The following CLU variants were observed in gnomAD, a reference collection of about 807,000 sequenced individuals.
The protein encoded by CLU is clusterin.
CLU carries 25 observed loss-of-function variants against 46.4 expected under a neutral mutation model. That is an observed-to-expected ratio of 0.54 (90% CI 0.39 to 0.75). The LOEUF (loss-of-function observed/expected upper bound fraction) is 0.75, where lower values mean the gene tolerates loss of function less well. CLU is among the 30% of genes least tolerant of loss of function. The pLI, the probability that CLU is intolerant of heterozygous loss-of-function variation, is 0.00. For synonymous variants in CLU, 235 were observed against 235.1 expected (o/e 1.00, Z 0.00); for missense variants, 504 against 592.1 (o/e 0.85, Z 1.54).
At position 27,610,340 on chromosome 8, in the gene CLU, C is replaced by T. The variant is rs1202913982; in HGVS notation, c.97+135G>A. 5.2e-6 allele frequency: 4 copies of T among 774,390 alleles called. No individual in the cohort carries two copies. The African/African-American group carries it at 6.8e-5, about 13-fold the overall frequency. 48.0% of individuals were successfully genotyped at this position (774,390 alleles called of 1,614,324 possible). On this transcript the variant is annotated intron_variant, in intron 2 of 8. Coordinates refer to ENST00000316403, the MANE Select transcript of CLU (RefSeq NM_001831.4). ...CTCAGAGTGGGCCCAGACACAGGCA[C>T]CCAGACCCAGTGCACAAGATAAAAA...
In CLU at chr8:27,599,841, CAGTT is replaced by C. The variant is rs1800685848; in HGVS notation, c.1099_1102del (p.Asn367GlyfsTer40). 2 of 1,614,038 alleles carry C rather than the reference CAGTT, an allele frequency of 1.2e-6. No homozygotes were observed. The highest frequency in any genetic ancestry group is 1.7e-5 in the Admixed American group (1 of 60,000). ...CGTGAGGTTTGCCAGCCGGGACACC[CAGTT>C]AAACTGCTCGTTCAGCTGCTCCAGC... is the stretch of plus-strand genomic sequence containing the variant. On this transcript the variant is annotated frameshift_variant, in exon 7 of 9. Coordinates refer to ENST00000316403, the MANE Select transcript of CLU (RefSeq NM_001831.4). LOFTEE classifies it high-confidence loss of function. This position sits in a 1 kb window ranked among gnomAD's most constrained non-coding sequence, Gnocchi z 4.0.
chr8:27,604,212 G>T, intron 6 of CLU, 79 bp downstream of exon 6: 2 of 1,100,378 alleles, frequency 1.8e-6, no homozygotes, highest in South Asian at 1.2e-5. Flanking sequence ...ACTCCATAAA[G>T]GCAGCACCAG....
intron 1 of CLU, among the ~76,000 whole-genome samples, chr8:27,612,192 G>T (rs940291004): frequency 6.6e-6 from 1 of 152,138 alleles, no homozygotes; most frequent in Non-Finnish European, 1.5e-5. Flanking sequence ...TAGCGGTGAG[G>T]CTGAAGCCCA....
intron 6 of CLU, among the ~76,000 whole-genome samples, chr8:27,602,718 G>A (rs1003821575): frequency 6.6e-6 from 1 of 152,070 alleles, no homozygotes; most frequent in Admixed American, 6.5e-5. Context: ...GTCCTCTTCA[G>A]TGTAGACTAT....
chr8:27,604,789 C>T, intron 5 of CLU, 135 bp downstream of exon 5: 1 of 1,108,554 alleles, frequency 9.0e-7, no homozygotes. Context: ...CAGTTTTTTT[C>T]CTCTTTAAAT....
At position 27,598,394 on chromosome 8, in the gene CLU, G is replaced by GT. The variant is rs1352052751; in HGVS notation, c.1340+65dup. ...AGGCTATAGAGTCTGCACTTTGTTT[G>GT]TTTTTTTGTGGCTCCCAGAGACTCA... On this transcript the variant is annotated intron_variant, in intron 8 of 8. Coordinates refer to ENST00000316403, the MANE Select transcript of CLU (RefSeq NM_001831.4). 5 of 1,607,264 alleles carry GT rather than the reference G, an allele frequency of 3.1e-6. No individual in the cohort carries two copies. The South Asian group carries it at 3.3e-5, about 11-fold the overall frequency.
At position 27,605,482 on chromosome 8, in the gene CLU, C is replaced by T. The variant is rs1292418600; in HGVS notation, c.418-147G>A. 1.4e-5 allele frequency: 11 copies of T among 768,190 alleles called. No homozygotes were observed. In the South Asian group the frequency reaches 1.5e-4, roughly 10 times the overall value. 47.6% of individuals were successfully genotyped at this position (768,190 alleles called of 1,614,324 possible). On this transcript the variant is annotated intron_variant, in intron 4 of 8. Coordinates refer to ENST00000316403, the MANE Select transcript of CLU (RefSeq NM_001831.4). Reference sequence around the variant, plus strand: ...GACCAACAGCCCAGCTGGGACCAGCCCCCAGCACCCCATCTGTCAGGTCCA... The same window carrying T: ...GACCAACAGCCCAGCTGGGACCAGCTCCCAGCACCCCATCTGTCAGGTCCA...
Position 27,597,125 on chromosome 8 carries a change from T to C in CLU, c.*1116A>G, listed in dbSNP as rs1377450783. The C allele has an allele frequency of 2.2e-6, 1 of 454,128 alleles. No homozygotes were observed. The highest frequency in any genetic ancestry group is 4.4e-6 in the Non-Finnish European group (1 of 226,796). The allele number at this position is 454,128 out of a possible 1,614,324, so 28.1% of individuals were successfully genotyped here. On this transcript the variant is annotated 3_prime_UTR_variant, in exon 9 of 9. Transcript: ENST00000316403. ...AGCTTTAAGTTTGTTGTTTATAACT[T>C]CAAAGAGAGACAAGGGACAGTGACT...
rs1202161048 is a variant in CLU at position 27,605,424 on chromosome 8, C to A, written c.418-89G>T. The A allele has an allele frequency of 5.7e-6, 8 of 1,393,524 alleles. No individual in the cohort carries two copies. In the African/African-American group the frequency reaches 8.5e-5, roughly 15 times the overall value. The allele number at this position is 1,393,524 out of a possible 1,614,324, so 86.3% of individuals were successfully genotyped here. ...CACCCCCTGGTGAGCCAGGCCAGGC[C>A]CTGCCCATGGCTGTAACAGTCACAC... On this transcript the variant is annotated intron_variant, in intron 4 of 8. Coordinates refer to ENST00000316403, the MANE Select transcript of CLU (RefSeq NM_001831.4).
Position 27,610,486 on chromosome 8 carries a change from T to C in CLU, c.86A>G (p.Asn29Ser), listed in dbSNP as rs775044236. 7 of 1,613,998 alleles carry C rather than the reference T, an allele frequency of 4.3e-6. No homozygotes were observed. The highest frequency in any genetic ancestry group is 4.2e-6 in the Non-Finnish European group (5 of 1,179,858). The change falls in exon 2 of 9, where the codon AAT becomes AGT. Residue 29 changes from asparagine to serine, a missense_variant. Around this residue, in one of 3 missense-constraint regions of CLU, gnomAD observed 73 missense variants for 91.2 expected, o/e 0.80. Transcript: ENST00000316403. ...QVLGDQTVSD[N>S]ELQEMSNQGS... Reference sequence around the variant, plus strand: ...CTTGGTCTACTCACCCTGGAGCTCATTGTCTGAGACCGTCTGGTCCCCCAG... The same window carrying C: ...CTTGGTCTACTCACCCTGGAGCTCACTGTCTGAGACCGTCTGGTCCCCCAG...
chr8:27,611,480 G>A (rs1470407110), intron 1 of CLU: 4 of 456,414 alleles, frequency 8.8e-6, no homozygotes, highest in Non-Finnish European at 1.8e-5. Context: ...ACAGGCCATA[G>A]CCCCGGTCTT....
Position 27,597,596 on chromosome 8 carries a change from A to T in CLU, c.*645T>A, listed in dbSNP as rs1195226607. ...CAAATGTTTTCATAACGAAAACATC[A>T]ATTATGCATTATAATACCAAGTACA... On this transcript the variant is annotated 3_prime_UTR_variant, in exon 9 of 9. Transcript: ENST00000316403. The T allele has an allele frequency of 8.8e-6, 4 of 454,014 alleles. No individual in the cohort carries two copies. Among genetic ancestry groups the T allele is most frequent in the Non-Finnish European group, 1.8e-5 (4 of 226,806 alleles). 28.1% of individuals were successfully genotyped at this position (454,014 alleles called of 1,614,324 possible). A position where few individuals can be genotyped will look rare whatever the true frequency, so the allele number is the denominator to read the frequency against.
chr8:27,599,803 G>A lies in CLU; in HGVS notation c.1141C>T (p.Gln381Ter). 2 of 1,612,548 alleles carry A rather than the reference G, an allele frequency of 1.2e-6. No homozygotes were observed. The highest frequency in any genetic ancestry group is 1.7e-6 in the Non-Finnish European group (2 of 1,179,214). Residue 381 changes from glutamine (Q) to a stop codon, truncating the protein, a stop_gained, in exon 7 of 9, where the codon CAG becomes TAG. Transcript: ENST00000316403. LOFTEE classifies it high-confidence loss of function. This position sits in a 1 kb window ranked among gnomAD's most constrained non-coding sequence, Gnocchi z 4.0. The stretch of plus-strand genomic sequence containing the variant: ...ACCGTGGTGACCCGCAGATAGTACT[G>A]GTCTTCGCCTTGCGTGAGGTTTGCC... Reference protein sequence around the residue: ...RLANLTQGEDQYYLRVTTVAS... With the variant: ...RLANLTQGED
At chr8:27,607,498 C>T (rs1489590325) in intron 3 of CLU, among the ~76,000 whole-genome samples, 1 of 149,824 alleles carries the variant, frequency 6.7e-6, no homozygotes, top group Non-Finnish European at 1.5e-5. Context: ...ACAGATTAAA[C>T]AAACTATGGT....
chr8:27,609,289 T>G (rs1195049053), intron 2 of CLU, among the ~76,000 whole-genome samples: 1 of 152,030 alleles, frequency 6.6e-6, no homozygotes, highest in African/African-American at 2.4e-5. Flanking sequence ...GACTGCACCC[T>G]ACTGCTTAGA....
chr8:27,604,517 G>C, intron 5 of CLU, 122 bp from the exon 6 acceptor site: 1 of 866,080 alleles, frequency 1.2e-6, no homozygotes, highest in Non-Finnish European at 1.9e-6. Context: ...CTGTTGCCCA[G>C]GCTGGAATGC....
rs748205993 is a variant in CLU at position 27,599,786 on chromosome 8, G to A, written c.1158C>T (p.Val386=). The A allele has an allele frequency of 6.2e-7, 1 of 1,608,062 alleles. No homozygotes were observed. Among genetic ancestry groups the A allele is most frequent in the Non-Finnish European group, 8.5e-7 (1 of 1,176,944 alleles). ...TQGEDQYYLR[V]TTVASHTSDS... ...TGGCCGGGACACAGCTCACCGTGGTGACCCGCAGATAGTACTGGTCTTCGC... is the reference window on the plus strand; with the variant it reads ...TGGCCGGGACACAGCTCACCGTGGTAACCCGCAGATAGTACTGGTCTTCGC... Residue 386 remains valine (V), a synonymous_variant, in exon 7 of 9, where the codon GTC becomes GTT. Coordinates refer to ENST00000316403, the MANE Select transcript of CLU (RefSeq NM_001831.4). The surrounding 1 kb of genome is among the most constrained non-coding windows in gnomAD (Gnocchi z 4.0).
In CLU at chr8:27,598,005, A is replaced by G. The variant is rs2132848419; in HGVS notation, c.*236T>C. The G allele has an allele frequency of 2.9e-6, 2 of 688,224 alleles. No individual in the cohort carries two copies. Among genetic ancestry groups the G allele is most frequent in the East Asian group, 2.8e-5 (1 of 35,868 alleles). 42.6% of individuals were successfully genotyped at this position (688,224 alleles called of 1,614,324 possible). On this transcript the variant is annotated 3_prime_UTR_variant, in exon 9 of 9. Transcript: ENST00000316403. ...AGGACCCTCCAAGCGATCAGCTCAC[A>G]AGACAGTTTTATTGAATTAGTTGCA...
intron 3 of CLU, among the ~76,000 whole-genome samples, chr8:27,607,978 T>C (rs1376162041): frequency 6.6e-6 from 1 of 152,166 alleles, no homozygotes; most frequent in Admixed American, 6.5e-5. Flanking sequence ...AAAACCAGAA[T>C]TGTTGAATGT....
Sources: gnomAD v4.1 joint callset for allele counts (sites outside exome capture counted in the v4.1 genomes callset) on GRCh38, gnomAD v4.1.1 for gene constraint, gnomAD v4.1.1 regional missense constraint, Gnocchi (gnomAD v3.1) non-coding constraint, MANE v1.5 for transcripts, NCBI Gene and HGNC (gene_info 2026-07-23, HGNC 2026-07-21) for gene names.